Variants in GRID2 observed in about 807,000 individuals in gnomAD.
The protein encoded by GRID2 is glutamate receptor ionotropic, delta-2.
Under a neutral mutation model 114.8 loss-of-function variants are expected in GRID2, and 33 were observed. The observed-to-expected ratio is 0.29, with a 90% CI of 0.22 to 0.38. GRID2 has a LOEUF of 0.38. Ranked by LOEUF, GRID2 falls within the 10% of genes least tolerant of loss-of-function variation. The pLI, the probability that GRID2 is intolerant of heterozygous loss-of-function variation, is 1.00. For missense variants in GRID2, 1,184 were observed against 1,257.7 expected, an observed-to-expected ratio of 0.94 and a Z score of 0.89; for synonymous variants, 505 against 449.9, an observed-to-expected ratio of 1.12 and a Z score of -1.55.
At chr4:92,641,331 T>C (rs569283931) in intron 2 of GRID2, among the ~76,000 whole-genome samples, 5 of 151,906 alleles carry the variant, frequency 3.3e-5, no homozygotes, top group African/African-American at 1.2e-4. Context: ...TCTTGCACTT[T>C]TGCACAGGCT....
At chr4:92,940,693 T>C (rs1428901586) in intron 2 of GRID2, among the ~76,000 whole-genome samples, 1 of 152,158 alleles carries the variant, frequency 6.6e-6, no homozygotes, top group African/African-American at 2.4e-5. Flanking sequence ...AGTATGATAT[T>C]GGCTGTGGGT....
chr4:93,217,769 A>C (rs1189547072), intron 6 of GRID2, among the ~76,000 whole-genome samples: 1 of 152,116 alleles, frequency 6.6e-6, no homozygotes, highest in Non-Finnish European at 1.5e-5. Context: ...CAACTCCTAA[A>C]GGTATCACTG....
intron 8 of GRID2, among the ~76,000 whole-genome samples, chr4:93,340,870 A>C (rs1759577493): frequency 6.6e-6 from 1 of 152,158 alleles, no homozygotes; most frequent in Non-Finnish European, 1.5e-5. Flanking sequence ...CTGCCCATAT[A>C]GATTTTCATT....
chr4:92,570,168 C>T (rs967603684), intron 1 of GRID2, among the ~76,000 whole-genome samples: 2 of 152,074 alleles, frequency 1.3e-5, no homozygotes, highest in African/African-American at 2.4e-5. Context: ...TTTCAGTCTT[C>T]TGCATATGGC....
At chr4:93,513,603 T>A (rs1729405834) in intron 12 of GRID2, among the ~76,000 whole-genome samples, 1 of 152,176 alleles carries the variant, frequency 6.6e-6, no homozygotes, top group African/African-American at 2.4e-5. Flanking sequence ...TCCAGAAAAT[T>A]CCAGAATCGC....
intron 2 of GRID2, among the ~76,000 whole-genome samples, chr4:92,976,351 T>C (rs1199522868): frequency 6.6e-6 from 1 of 152,102 alleles, no homozygotes; most frequent in Non-Finnish European, 1.5e-5. Context: ...ATATATCTCA[T>C]GCATGTCTGT....
intron 1 of GRID2, among the ~76,000 whole-genome samples, chr4:92,567,412 T>C (rs1727388261): frequency 6.6e-6 from 1 of 152,074 alleles, no homozygotes; most frequent in African/African-American, 2.4e-5. Flanking sequence ...ATGTGCTTGC[T>C]TAGATTCACG....
chr4:92,351,917 T>C (rs901734526), intron 1 of GRID2, among the ~76,000 whole-genome samples: 5 of 151,984 alleles, frequency 3.3e-5, no homozygotes, highest in African/African-American at 1.2e-4. Flanking sequence ...CAAGGACACT[T>C]AGGTTGATTC....
chr4:93,021,693 G>A (rs1041300395), intron 2 of GRID2, among the ~76,000 whole-genome samples: 1 of 141,834 alleles, frequency 7.1e-6, no homozygotes, highest in Admixed American at 7.2e-5. Context: ...TTTATAATAT[G>A]TATATTATGA....
At chr4:92,941,105 A>G (rs987184902) in intron 2 of GRID2, among the ~76,000 whole-genome samples, 1 of 152,098 alleles carries the variant, frequency 6.6e-6, no homozygotes, top group Admixed American at 6.6e-5. Context: ...GGAGGATTCC[A>G]TCTTTTTCTA....
chr4:92,912,201 C>T (rs1434487179), intron 2 of GRID2, among the ~76,000 whole-genome samples: 1 of 151,806 alleles, frequency 6.6e-6, no homozygotes, highest in East Asian at 1.9e-4. Context: ...ACAATTTTTA[C>T]ATTTCTACAA....
At position 93,085,010 on chromosome 4, in the gene GRID2, A is replaced by C; in HGVS notation, c.260A>C (p.Asn87Thr). 6.2e-7 allele frequency: 1 copy of C among 1,613,884 alleles called. No homozygotes were observed. Among genetic ancestry groups the C allele is most frequent in the Non-Finnish European group, 8.5e-7 (1 of 1,179,768 alleles). Residue 87 changes from asparagine to threonine, a missense_variant, in exon 3 of 16, where the codon AAT (asparagine) becomes ACT (threonine). Asn to Thr is a moderately conservative substitution (Grantham distance 65, BLOSUM62 0). Around this residue, in one of 3 missense-constraint regions of GRID2, gnomAD observed 455 missense variants for 429.5 expected, o/e 1.06. Transcript: ENST00000282020. The part of the protein sequence containing the change: ...QAVQEACELM[N>T]QGILALVSSI... ...TTTCTTGCAGCCTGTGAACTTATGA[A>C]TCAAGGCATCTTGGCCCTGGTCAGC...
chr4:93,455,794 G>T lies in GRID2; in HGVS notation c.1678G>T (p.Ala560Ser). The T allele has an allele frequency of 6.2e-7, 1 of 1,613,252 alleles. No individual in the cohort carries two copies. ...RRAEKTVDMF[A>S]CLAPFDLSLW... Reference sequence around the variant, plus strand: ...GGCTGAAAAGACAGTGGATATGTTTGCCTGTCTTGCACCATTTGATCTCTC... The same window carrying T: ...GGCTGAAAAGACAGTGGATATGTTTTCCTGTCTTGCACCATTTGATCTCTC... The change falls in exon 11 of 16, where the codon GCC (alanine) becomes TCC (serine). Residue 560 changes from alanine to serine, a missense_variant. Transcript: ENST00000282020.
chr4:92,665,883 A>T (rs1484617855), intron 2 of GRID2, among the ~76,000 whole-genome samples: 8 of 151,382 alleles, frequency 5.3e-5, no homozygotes, highest in Non-Finnish European at 1.2e-4. Flanking sequence ...TTTGATTAAA[A>T]TGTGTCTCAG....
chr4:92,605,447 AAG>A (rs1361795338), intron 2 of GRID2, among the ~76,000 whole-genome samples: 2 of 152,072 alleles, frequency 1.3e-5, no homozygotes, highest in Non-Finnish European at 2.9e-5. Context: ...GCAATATACA[AAG>A]AGATCTAGAA....
intron 9 of GRID2, among the ~76,000 whole-genome samples, chr4:93,404,418 A>T (rs565380042): frequency 6.6e-6 from 1 of 152,224 alleles, no homozygotes; most frequent in Admixed American, 6.6e-5. Context: ...GCTACTTTTT[A>T]AAAAAGAGAG....
chr4:93,795,859 G>A (rs1024079193), intron 1 of GRID2, among the ~76,000 whole-genome samples: 1 of 152,184 alleles, frequency 6.6e-6, no homozygotes, highest in Non-Finnish European at 1.5e-5. Context: ...TAAATGTACT[G>A]CAGCTAGTTG....
chr4:93,746,852 C>G (rs906634601), intron 14 of GRID2, among the ~76,000 whole-genome samples: 4 of 152,000 alleles, frequency 2.6e-5, no homozygotes, highest in Admixed American at 6.6e-5. Flanking sequence ...AATTGGTCCA[C>G]TCTGATTGTC....
chr4:93,594,710 C>T (rs905017426), intron 13 of GRID2, among the ~76,000 whole-genome samples: 7 of 152,070 alleles, frequency 4.6e-5, no homozygotes, highest in South Asian at 4.2e-4. Context: ...AATGAGACTC[C>T]GTGGGGTAGG....
Sources: allele counts gnomAD v4.1 joint callset (sites outside exome capture counted in the v4.1 genomes callset), GRCh38; gene constraint gnomAD v4.1.1; regional missense constraint gnomAD v4.1.1; transcripts MANE v1.5; gene names NCBI Gene and HGNC (gene_info 2026-07-23, HGNC 2026-07-21).